The following CIZ1 variants were observed in gnomAD, a reference collection of about 807,000 sequenced individuals.
CIZ1 encodes the protein cip1-interacting zinc finger protein.
CIZ1 carries 58 observed loss-of-function variants against 118.6 expected under a neutral mutation model. The observed-to-expected ratio is 0.49, with a 90% CI of 0.40 to 0.61. The LOEUF (loss-of-function observed/expected upper bound fraction) is 0.61. CIZ1 is among the 20% of genes least tolerant of loss of function. CIZ1 has a pLI of 0.00. For synonymous variants in CIZ1, 448 were observed against 443.4 expected (o/e 1.01, Z -0.13); for missense variants, 921 against 1,115.9 (o/e 0.83, Z 2.49).
In CIZ1 at chr9:128,169,430, C is replaced by T; in HGVS notation, c.2121G>A (p.Gln707=). Residue 707 remains glutamine, a synonymous_variant, in exon 13 of 17, where the codon CAG becomes CAA. Coordinates refer to ENST00000372938, the MANE Select transcript of CIZ1 (RefSeq NM_001131016.2). The part of the protein sequence containing the change: ...PRKFVEHVKS[Q]GHKDKAKELK... Reference sequence around the variant, plus strand: ...CCTCCTTGGCTTTGTCCTTATGCCCCTGGGACTTCACGTGCTCCACAAACT... The same window carrying T: ...CCTCCTTGGCTTTGTCCTTATGCCCTTGGGACTTCACGTGCTCCACAAACT... 1 of 1,614,176 alleles carries T rather than the reference C, an allele frequency of 6.2e-7. No homozygotes were observed. The highest frequency in any genetic ancestry group is 8.5e-7 in the Non-Finnish European group (1 of 1,180,026).
In CIZ1 at chr9:128,178,934, T is replaced by TCTGCAG. The variant is rs1008092135; in HGVS notation, c.1267_1272dup (p.Leu423_Gln424dup). On this transcript the variant is annotated inframe_insertion, in exon 8 of 17. Transcript: ENST00000372938. ...GGATATGTCTGTGTCTGGACCTGCT[T>TCTGCAG]CTGCAGCTGCAGCTGCACCTGCCTT... 5 of 1,614,188 alleles carry TCTGCAG rather than the reference T, an allele frequency of 3.1e-6. No homozygotes were observed. In the African/African-American group the frequency reaches 5.3e-5, roughly 17 times the overall value.
At chr9:128,179,440 C>T in intron 7 of CIZ1, 25 bp from the exon 8 acceptor site, 2 of 1,543,044 alleles carry the variant, frequency 1.3e-6, no homozygotes, top group Non-Finnish European at 1.7e-6. Context: ...AAAAAAATCC[C>T]AGTCATGTCT....
chr9:128,188,000 G>A (rs1293391071), intron 3 of CIZ1, 66 bp from the exon 4 acceptor site: 52 of 355,380 alleles, frequency 1.5e-4, no homozygotes, highest in Non-Finnish European at 2.7e-4. Context: ...CTGACTCAGT[G>A]AGAAAACAAT....
In CIZ1 at chr9:128,173,842, T is replaced by C. The variant is rs190558032; in HGVS notation, c.1943+2509A>G. Among the ~76,000 whole-genome samples the C allele has an allele frequency of 6.8e-3, 1,035 of 151,802 alleles. 11 individuals are homozygous for C. The highest frequency in any genetic ancestry group is 0.024 in the African/African-American group (973 of 41,402). ...TAACACAGAGAAACCCTGTCTCTAC[T>C]AAAAATACAAAAAATTAGCCGGGCC... On this transcript the variant is annotated intron_variant, in intron 11 of 16. Transcript: ENST00000372938.
At chr9:128,186,079 A>G (rs1832331156) in intron 4 of CIZ1, among the ~76,000 whole-genome samples, 1 of 152,058 alleles carries the variant, frequency 6.6e-6, no homozygotes, top group South Asian at 2.1e-4. Context: ...AGAGTAGGTG[A>G]GAGACTTAGC....
upstream of CIZ1, among the ~76,000 whole-genome samples, chr9:128,195,168 G>A (rs554322277): frequency 3.9e-4 from 59 of 152,166 alleles, 2 homozygotes; most frequent in South Asian, 0.012. Flanking sequence ...AACTTTAGGG[G>A]AATAGCTAAA....
At chr9:128,172,936 T>C (rs1197701114) in intron 11 of CIZ1, among the ~76,000 whole-genome samples, 2 of 152,138 alleles carry the variant, frequency 1.3e-5, no homozygotes, top group African/African-American at 4.8e-5. Context: ...TTTAGGGACA[T>C]TTACTGTCCT....
At chr9:128,191,889 GC>G, upstream of CIZ1, 1 of 1,450,196 alleles carries the variant, frequency 6.9e-7, no homozygotes, top group Non-Finnish European at 9.1e-7. The surrounding 1 kb of genome is among the most constrained non-coding windows in gnomAD (Gnocchi z 5.5). Context: ...CGATCCTGGG[GC>G]CCCGCGCGGG....
intron 1 of CIZ1, among the ~76,000 whole-genome samples, chr9:128,202,094 C>T (rs1056658586): frequency 5.9e-5 from 9 of 152,188 alleles, no homozygotes; most frequent in Non-Finnish European, 1.2e-4. Context: ...AGGACTTTGT[C>T]CGTTTTGCTC....
At chr9:128,176,509 G>A in intron 10 of CIZ1, 34 bp from the exon 11 acceptor site, 2 of 1,605,542 alleles carry the variant, frequency 1.2e-6, no homozygotes, top group Non-Finnish European at 8.5e-7. Context: ...TGGGCCTGGG[G>A]CGTGAGCCCA....
At chr9:128,202,151 C>T (rs970320401) in intron 1 of CIZ1, among the ~76,000 whole-genome samples, 10 of 152,318 alleles carry the variant, frequency 6.6e-5, no homozygotes, top group African/African-American at 2.2e-4. Context: ...TCAACAAATA[C>T]GCATTAAATG....
At chr9:128,177,542 CA>C in intron 10 of CIZ1, 23 bp downstream of exon 10, 2 of 1,229,490 alleles carry the variant, frequency 1.6e-6, no homozygotes, top group Non-Finnish European at 2.2e-6. Context: ...CACCCCTCCC[CA>C]CCCTTATCTC....
At chr9:128,177,538 T>TATAA in intron 10 of CIZ1, 28 bp downstream of exon 10, 1 of 395,090 alleles carries the variant, frequency 2.5e-6, no homozygotes, top group Non-Finnish European at 4.7e-6. Context: ...GCCCCACCCC[T>TATAA]CCCCACCCTT....
chr9:128,203,645 G>GC lies in CIZ1; in HGVS notation c.-6+540dup. 6.6e-7 allele frequency: 1 copy of GC among 1,506,942 alleles called. No individual in the cohort carries two copies. The allele number at this position is 1,506,942 out of a possible 1,614,324, so 93.3% of individuals were successfully genotyped here. On this transcript the variant is annotated intron_variant, in intron 1 of 17. Coordinates refer to the CIZ1 transcript ENST00000372948. This position sits in a 1 kb window ranked among gnomAD's most constrained non-coding sequence, Gnocchi z 5.3. ...TTTCGTAGGCAGGTAGGCGCGGCGC[G>GC]CCCCCAGGCGCCGACCCCCGACCCC...
rs758080433 is a variant in CIZ1, at chr9:128,177,593, G to A, written c.1791C>T (p.Ile597=). 2 of 1,516,442 alleles carry A rather than the reference G, an allele frequency of 1.3e-6. No individual in the cohort carries two copies. The highest frequency in any genetic ancestry group is 2.0e-5 in the Admixed American group (1 of 49,044). 93.9% of individuals were successfully genotyped at this position (1,516,442 alleles called of 1,614,324 possible). A position where few individuals can be genotyped will look rare whatever the true frequency, so the allele number is the denominator to read the frequency against. The change falls in exon 10 of 17, where the codon ATC becomes ATT. Residue 597 remains isoleucine, a synonymous_variant. Transcript: ENST00000372938. ...SKQALQFFCY[I]CKASCSSQQE... is the part of the protein sequence containing the mutation. ...GCTGGCTGGAGCAGCTGGCCTTGCA[G>A]ATGTAGCAGAAGAACTGGAGGGCCT... is the stretch of plus-strand genomic sequence containing the variant.
chr9:128,174,023 AC>A (rs1315118855), intron 11 of CIZ1, among the ~76,000 whole-genome samples: 2 of 77,594 alleles, frequency 2.6e-5, no homozygotes, highest in Admixed American at 1.4e-4. Context: ...AAACAAAAAA[AC>A]AAAAAAAAAA....
chr9:128,200,615 A>T (rs1169546728), intron 1 of CIZ1, among the ~76,000 whole-genome samples: 1 of 149,556 alleles, frequency 6.7e-6, no homozygotes, highest in East Asian at 2.0e-4. Context: ...CTGAGATCAC[A>T]CCACTGCACT....
chr9:128,190,779 G>T lies in CIZ1; in HGVS notation c.79C>A (p.Gln27Lys). The T allele has an allele frequency of 6.5e-7, 1 of 1,541,242 alleles. No individual in the cohort carries two copies. The highest frequency in any genetic ancestry group is 8.7e-7 in the Non-Finnish European group (1 of 1,142,996). The change falls in exon 2 of 17, where the codon CAG becomes AAG. Residue 27 changes from glutamine (Q) to lysine (K), a missense_variant. Gln to Lys is a moderately conservative substitution (Grantham distance 53). Coordinates refer to ENST00000372938, the MANE Select transcript of CIZ1 (RefSeq NM_001131016.2). ...LQQLQQQQLQ[Q>K]QQLQQQQLLQ... ...AACTGCTGCTGCTGCAATTGCTGCTGCTGGAGCTGCTGCTGCTGTAACTGC... is the reference window on the plus strand; with the variant it reads ...AACTGCTGCTGCTGCAATTGCTGCTTCTGGAGCTGCTGCTGCTGTAACTGC...
At position 128,203,292 on chromosome 9, in the gene CIZ1, G is replaced by C; in HGVS notation, c.-6+894C>G. The C allele has an allele frequency of 2.9e-6, 1 of 343,864 alleles. No homozygotes were observed. The highest frequency in any genetic ancestry group is 4.5e-6 in the Non-Finnish European group (1 of 223,522). The allele number at this position is 343,864 out of a possible 1,614,324, so 21.3% of individuals were successfully genotyped here. ...GGACGGCGCCTGCGCACGGCGGCCG[G>C]CCCGCAGCGCCGCGGGCTCCCCCTA... is the stretch of plus-strand genomic sequence containing the variant. On this transcript the variant is annotated intron_variant, in intron 1 of 17. Coordinates refer to the CIZ1 transcript ENST00000372948. This position sits in a 1 kb window ranked among gnomAD's most constrained non-coding sequence, Gnocchi z 5.3.
Sources: allele counts gnomAD v4.1 joint callset (sites outside exome capture counted in the v4.1 genomes callset), GRCh38; gene constraint gnomAD v4.1.1; non-coding constraint Gnocchi (gnomAD v3.1); transcripts MANE v1.5; gene names NCBI Gene and HGNC (gene_info 2026-07-23, HGNC 2026-07-21).